The following ATP2B1 variants were observed in gnomAD, a reference collection of about 807,000 sequenced individuals.
ATP2B1 encodes plasma membrane calcium-transporting ATPase 1.
ATP2B1 carries 14 observed loss-of-function variants against 124.2 expected under a neutral mutation model. The ratio of observed to expected loss-of-function variants is 0.11; its 90% CI spans 0.07 to 0.18. The LOEUF is 0.18. Among genes scored for constraint, ATP2B1 ranks in the 10% least tolerant of loss-of-function variants. ATP2B1 has a pLI of 1.00. For missense variants in ATP2B1, 763 were observed against 1,466.1 expected (o/e 0.52, Z 7.83); for synonymous variants, 449 against 492.4 (o/e 0.91, Z 1.17).
chr12:89,668,082 A>T (rs1400326689), intron 1 of ATP2B1, among the ~76,000 whole-genome samples: 2 of 152,168 alleles, frequency 1.3e-5, no homozygotes, highest in Non-Finnish European at 2.9e-5. Context: ...GGGGCTAAAA[A>T]CTGCAGTGTG....
chr12:89,684,419 A>G (rs1486702184), intron 1 of ATP2B1, among the ~76,000 whole-genome samples: 1 of 152,208 alleles, frequency 6.6e-6, no homozygotes, highest in African/African-American at 2.4e-5. Context: ...AGGGGAAGGC[A>G]AGGAAGAACC....
At chr12:89,678,783 A>G (rs1048304508) in intron 1 of ATP2B1, among the ~76,000 whole-genome samples, 12 of 152,166 alleles carry the variant, frequency 7.9e-5, no homozygotes, top group Non-Finnish European at 1.2e-4. Context: ...ACAACTCTGG[A>G]GGGCCATTTG....
At chr12:89,629,360 G>C (rs967572165) in intron 6 of ATP2B1, among the ~76,000 whole-genome samples, 1 of 152,126 alleles carries the variant, frequency 6.6e-6, no homozygotes, top group African/African-American at 2.4e-5. Context: ...TAATGAGATA[G>C]TGCATGTAAA....
At position 89,687,729 on chromosome 12, in the gene ATP2B1, A is replaced by T. The variant is rs555135920; in HGVS notation, c.-222+20867T>A. Among the ~76,000 whole-genome samples the T allele has an allele frequency of 1.4e-4, 22 of 152,272 alleles. No homozygotes were observed. In the South Asian group the frequency reaches 4.6e-3, roughly 32 times the overall value. ...ATTTTGGGATTAAATTCAACATGGG[A>T]TTAAAATAAATGCTGCTTAAACAGC... is the stretch of plus-strand genomic sequence containing the variant. On this transcript the variant is annotated intron_variant, in intron 1 of 20. Transcript: ENST00000428670.
intron 1 of ATP2B1, among the ~76,000 whole-genome samples, chr12:89,686,824 T>C (rs527506974): frequency 6.6e-6 from 1 of 152,228 alleles, no homozygotes. Context: ...ATAAGTGTTA[T>C]TACAGTGGCC....
At chr12:89,648,731 G>C (rs1169151684) in intron 2 of ATP2B1, among the ~76,000 whole-genome samples, 4 of 152,238 alleles carry the variant, frequency 2.6e-5, no homozygotes, top group Non-Finnish European at 5.9e-5. Flanking sequence ...AGGCCTCGAA[G>C]GCATTTCAGA....
At chr12:89,629,316 AT>A (rs1881462234) in intron 6 of ATP2B1, among the ~76,000 whole-genome samples, 2 of 152,368 alleles carry the variant, frequency 1.3e-5, no homozygotes, top group African/African-American at 4.8e-5. Context: ...CAGTAAAAAA[AT>A]AATAAGTCTT....
At position 89,630,672 on chromosome 12, in the gene ATP2B1, T is replaced by C. The variant is rs549282040; in HGVS notation, c.788-27A>G. The C allele has an allele frequency of 2.8e-6, 4 of 1,424,076 alleles. No homozygotes were observed. In the African/African-American group the frequency reaches 6.0e-5, roughly 21 times the overall value. 88.2% of individuals were successfully genotyped at this position (1,424,076 alleles called of 1,614,324 possible). On this transcript the variant is annotated intron_variant, in intron 5 of 20. Coordinates refer to ENST00000428670, the MANE Select transcript of ATP2B1 (RefSeq NM_001366521.1). Reference sequence around the variant, plus strand: ...TATAACCAAAAACATAGTTTGTTTTTAAAAATACTGATAGATCTCCTTGCT... The same window carrying C: ...TATAACCAAAAACATAGTTTGTTTTCAAAAATACTGATAGATCTCCTTGCT...
intron 1 of ATP2B1, among the ~76,000 whole-genome samples, chr12:89,659,941 C>CA (rs1417098397): frequency 7.2e-6 from 1 of 138,814 alleles, no homozygotes; most frequent in African/African-American, 2.7e-5. Context: ...CAAAAAAAAA[C>CA]AAAAAAGAAG....
At chr12:89,676,119 A>T (rs958413265) in intron 1 of ATP2B1, among the ~76,000 whole-genome samples, 5 of 152,238 alleles carry the variant, frequency 3.3e-5, no homozygotes, top group African/African-American at 9.6e-5. Context: ...AGAACCTACC[A>T]ATCTTAGAGA....
chr12:89,607,485 A>C (rs1877145004), intron 15 of ATP2B1, among the ~76,000 whole-genome samples: 1 of 152,002 alleles, frequency 6.6e-6, no homozygotes, highest in Admixed American at 6.6e-5. Flanking sequence ...GGAGACAGCA[A>C]CTCTTCACTT....
chr12:89,696,627 T>G (rs929947952), intron 1 of ATP2B1, among the ~76,000 whole-genome samples: 3 of 152,226 alleles, frequency 2.0e-5, no homozygotes, highest in Admixed American at 1.3e-4. Context: ...AGACGGAGGA[T>G]TATGAGTGAT....
At chr12:89,611,403 G>A in intron 12 of ATP2B1, 31 bp from the exon 13 acceptor site, 2 of 1,463,054 alleles carry the variant, frequency 1.4e-6, no homozygotes, top group East Asian at 2.4e-5. Context: ...AAATTACAAA[G>A]TTAATTTGGT....
At chr12:89,623,105 C>A (rs1401104040) in intron 9 of ATP2B1, among the ~76,000 whole-genome samples, 2 of 151,892 alleles carry the variant, frequency 1.3e-5, no homozygotes, top group Non-Finnish European at 2.9e-5. Flanking sequence ...TTGTTAAATG[C>A]CTGAAAAGAA....
chr12:89,696,964 C>T (rs11105378), intron 1 of ATP2B1, among the ~76,000 whole-genome samples: 22,658 of 149,226 alleles, frequency 0.15, 2,037 homozygotes, highest in South Asian at 0.35. Context: ...TTTTTCATGG[C>T]ATGTTAACAA....
In ATP2B1 at chr12:89,656,021, C is replaced by G. The variant is rs542417504; in HGVS notation, c.-135G>C. The G allele has an allele frequency of 5.9e-6, 5 of 840,562 alleles. No homozygotes were observed. Among genetic ancestry groups the G allele is most frequent in the Admixed American group, 3.1e-5 (1 of 32,336 alleles). 52.1% of individuals were successfully genotyped at this position (840,562 alleles called of 1,614,324 possible). A position where few individuals can be genotyped will look rare whatever the true frequency, so the allele number is the denominator to read the frequency against. On this transcript the variant is annotated 5_prime_UTR_variant, in exon 2 of 21. Coordinates refer to ENST00000428670, the MANE Select transcript of ATP2B1 (RefSeq NM_001366521.1). ...ACACTCATTGTATGACTTTGTAAAG[C>G]AGCATCAGCAGCAACATTTCCCAGA...
In ATP2B1 at chr12:89,603,718, A is replaced by T. The variant is rs754837933; in HGVS notation, c.2842T>A (p.Phe948Ile). ...TTAGACACTGAATTCTTACCAGCAA[A>T]TAAGAGTGTAAAGACTACTACAAGT... is the stretch of plus-strand genomic sequence containing the variant. Reference protein sequence around the residue: ...YQLVVVFTLLFAGEKFFDIDS... With the variant: ...YQLVVVFTLLIAGEKFFDIDS... Residue 948 changes from phenylalanine (F) to isoleucine (I), a missense_variant, in exon 17 of 21, where the codon TTT (phenylalanine) becomes ATT (isoleucine). This residue lies in a region of ATP2B1 where 118 missense variants were observed against 240.3 expected (regional missense o/e 0.49). Transcript: ENST00000428670. The surrounding 1 kb of genome is among the most constrained non-coding windows in gnomAD (Gnocchi z 4.3). The T allele has an allele frequency of 6.2e-7, 1 of 1,611,876 alleles. No individual in the cohort carries two copies. The highest frequency in any genetic ancestry group is 2.2e-5 in the East Asian group (1 of 44,872).
At chr12:89,624,453 C>T (rs1336248688) in intron 8 of ATP2B1, 56 bp from the exon 9 acceptor site, 2 of 1,395,210 alleles carry the variant, frequency 1.4e-6, no homozygotes, top group East Asian at 2.3e-5. Context: ...GACACTAACC[C>T]TTGCCAGATA....
chr12:89,682,823 A>G (rs1438836373), intron 1 of ATP2B1, among the ~76,000 whole-genome samples: 3 of 152,222 alleles, frequency 2.0e-5, no homozygotes, highest in South Asian at 2.1e-4. Context: ...GAGGTATTAC[A>G]TAAGCGTGAT....
Sources: allele counts gnomAD v4.1 joint callset (sites outside exome capture counted in the v4.1 genomes callset), GRCh38; gene constraint gnomAD v4.1.1; regional missense constraint gnomAD v4.1.1; non-coding constraint Gnocchi (gnomAD v3.1); transcripts MANE v1.5; gene names NCBI Gene and HGNC (gene_info 2026-07-23, HGNC 2026-07-21).